PPP2R2B: variants seen among roughly 807,000 people sequenced by gnomAD.
The protein encoded by PPP2R2B is serine/threonine-protein phosphatase 2A 55 kDa regulatory subunit B beta isoform.
A neutral mutation model predicts 46.0 loss-of-function variants in PPP2R2B; 5 were observed. The ratio of observed to expected loss-of-function variants is 0.11; its 90% CI spans 0.06 to 0.23. The LOEUF is 0.23. PPP2R2B is among the 10% of genes least tolerant of loss of function. The probability of loss-of-function intolerance (pLI) is 1.00; values close to 1 mark genes in which losing one functional copy is unlikely to be tolerated. For synonymous variants in PPP2R2B, 215 were observed against 206.7 expected (o/e 1.04, Z -0.34); for missense variants, 367 against 575.0 (o/e 0.64, Z 3.70).
intron 2 of PPP2R2B, among the ~76,000 whole-genome samples, chr5:146,805,525 G>C (rs907661385): frequency 6.6e-6 from 1 of 152,196 alleles, no homozygotes; most frequent in Admixed American, 6.5e-5. Context: ...AGAAGATGGA[G>C]TGACATTGTC....
chr5:146,887,965 A>C (rs1762382024), intron 1 of PPP2R2B, among the ~76,000 whole-genome samples: 1 of 152,196 alleles, frequency 6.6e-6, no homozygotes, highest in Non-Finnish European at 1.5e-5. Context: ...TTTAACTCAT[A>C]CATGCAAACA....
At chr5:146,825,908 T>G (rs1365712445) in intron 2 of PPP2R2B, among the ~76,000 whole-genome samples, 3 of 152,188 alleles carry the variant, frequency 2.0e-5, no homozygotes, top group East Asian at 3.9e-4. Flanking sequence ...GCATTAATAA[T>G]TGAAGTTTTT....
At chr5:146,929,731 C>T (rs13170894) in intron 1 of PPP2R2B, among the ~76,000 whole-genome samples, 2 of 152,046 alleles carry the variant, frequency 1.3e-5, no homozygotes, top group African/African-American at 4.8e-5. Flanking sequence ...ATAAAATAAG[C>T]AGCAGTTTTG....
At chr5:146,971,774 A>G (rs1752672200) in intron 1 of PPP2R2B, among the ~76,000 whole-genome samples, 1 of 152,158 alleles carries the variant, frequency 6.6e-6, no homozygotes, top group Non-Finnish European at 1.5e-5. Flanking sequence ...TGTTTGTGGT[A>G]CCTATAGGTA....
intron 1 of PPP2R2B, among the ~76,000 whole-genome samples, chr5:146,887,662 G>C (rs995475308): frequency 1.3e-5 from 2 of 152,160 alleles, no homozygotes; most frequent in African/African-American, 4.8e-5. Context: ...TTCCATCACT[G>C]TTATAGTTAC....
At chr5:146,819,821 T>C (rs1758149838) in intron 2 of PPP2R2B, among the ~76,000 whole-genome samples, 1 of 152,210 alleles carries the variant, frequency 6.6e-6, no homozygotes, top group Admixed American at 6.5e-5. Flanking sequence ...CACTCCCATG[T>C]TTACTGCAAC....
At chr5:146,895,132 C>T (rs1047353587) in intron 1 of PPP2R2B, among the ~76,000 whole-genome samples, 3 of 152,180 alleles carry the variant, frequency 2.0e-5, no homozygotes, top group African/African-American at 7.2e-5. Context: ...ATACATTGTC[C>T]TCCTTTCAAC....
intron 1 of PPP2R2B, among the ~76,000 whole-genome samples, chr5:146,946,893 T>A (rs919470046): frequency 6.6e-5 from 10 of 151,960 alleles, no homozygotes; most frequent in Non-Finnish European, 1.3e-4. Flanking sequence ...GGTGGGGGTA[T>A]CCGTTTAGAC....
At chr5:146,684,622 A>G (rs1778376600) in intron 5 of PPP2R2B, among the ~76,000 whole-genome samples, 1 of 152,204 alleles carries the variant, frequency 6.6e-6, no homozygotes, top group African/African-American at 2.4e-5. Context: ...GGAGCATCAA[A>G]TGAGATGCCC....
intron 1 of PPP2R2B, among the ~76,000 whole-genome samples, chr5:146,991,641 C>T (rs148661610): frequency 1.4e-3 from 219 of 152,132 alleles, no homozygotes; most frequent in Non-Finnish European, 2.2e-3. Flanking sequence ...TTTACACCAA[C>T]TCAATTATTA....
chr5:146,691,371 C>T (rs781018010), intron 4 of PPP2R2B, 131 bp from the exon 5 acceptor site: 13 of 658,828 alleles, frequency 2.0e-5, no homozygotes, highest in South Asian at 1.3e-4. Context: ...CTCACATAAA[C>T]GTTTGGCGTG....
At position 146,841,105 on chromosome 5, in the gene PPP2R2B, G is replaced by T. The variant is rs182376215; in HGVS notation, c.70+36897C>A. Among the ~76,000 whole-genome samples the T allele has an allele frequency of 5.1e-3, 768 of 152,022 alleles. 4 individuals are homozygous for T. Among genetic ancestry groups the T allele is most frequent in the Admixed American group, 9.6e-3 (146 of 15,278 alleles). On this transcript the variant is annotated intron_variant, in intron 2 of 9. Transcript: ENST00000394411. ...AAGTGGAATTTGAGCCTAGACACTT[G>T]AAGCTTATGGAGGATTATTCAATGC...
intron 5 of PPP2R2B, among the ~76,000 whole-genome samples, chr5:146,690,215 C>T (rs1399195361): frequency 5.9e-5 from 9 of 152,172 alleles, no homozygotes; most frequent in Non-Finnish European, 1.2e-4. Flanking sequence ...CCAACATGTG[C>T]CTGCTTTACT....
At chr5:146,908,755 T>C (rs932483115) in intron 1 of PPP2R2B, among the ~76,000 whole-genome samples, 3 of 151,058 alleles carry the variant, frequency 2.0e-5, no homozygotes, top group Non-Finnish European at 4.4e-5. Flanking sequence ...ATAAAACTCA[T>C]GCCTTCTTTC....
intron 1 of PPP2R2B, among the ~76,000 whole-genome samples, chr5:146,982,859 T>C (rs1753237885): frequency 6.6e-6 from 1 of 152,154 alleles, no homozygotes; most frequent in Admixed American, 6.6e-5. Flanking sequence ...ACTTCTGCTT[T>C]CTTCTGATCA....
In PPP2R2B at chr5:146,898,960, A is replaced by G. The variant is rs1236225415; in HGVS notation, c.79+156705T>C. Among the ~76,000 whole-genome samples the G allele has an allele frequency of 3.4e-5, 5 of 146,302 alleles. 1 individual carries two copies. Among genetic ancestry groups the G allele is most frequent in the Admixed American group, 2.1e-4 (3 of 14,508 alleles). ...ACACCAGTTAGAATGGCAATCTTTA[A>G]AAAGTCAGGAAACAACAGGTGCTGG... On this transcript the variant is annotated intron_variant, in intron 1 of 8. Transcript: ENST00000336640.
chr5:146,768,755 G>A (rs762660108), intron 2 of PPP2R2B, among the ~76,000 whole-genome samples: 2 of 152,078 alleles, frequency 1.3e-5, no homozygotes, highest in Non-Finnish European at 2.9e-5. Context: ...AGTCTCACTG[G>A]CCTCCTCCCA....
chr5:146,935,500 A>G (rs1305954135), intron 1 of PPP2R2B, among the ~76,000 whole-genome samples: 1 of 152,192 alleles, frequency 6.6e-6, no homozygotes, highest in Non-Finnish European at 1.5e-5. Context: ...AAGAGTAATT[A>G]TGCCATGTAA....
intron 2 of PPP2R2B, among the ~76,000 whole-genome samples, chr5:146,743,225 A>C (rs901021266): frequency 9.2e-5 from 14 of 152,180 alleles, no homozygotes; most frequent in Admixed American, 3.3e-4. Context: ...GATGGGTGGA[A>C]TGGCTGGGTG....
Sources: gnomAD v4.1 joint callset for allele counts (sites outside exome capture counted in the v4.1 genomes callset) on GRCh38, gnomAD v4.1.1 for gene constraint, MANE v1.5 for transcripts, NCBI Gene and HGNC (gene_info 2026-07-23, HGNC 2026-07-21) for gene names.